PXT1: variants seen among roughly 807,000 people sequenced by gnomAD.
PXT1 encodes peroxisomal testis enriched protein 1, also known as peroxisomal testis-specific protein 1.
In PXT1, 11 loss-of-function variants were observed where a neutral mutation model predicts 11.0. The observed-to-expected ratio is 1.00, with a 90% confidence interval of 0.63 to 1.66. PXT1 has a LOEUF of 1.66. PXT1 is among the 40% of genes most tolerant of loss of function. PXT1 has a pLI of 0.00. For synonymous variants in PXT1, 43 were observed against 51.4 expected, an observed-to-expected ratio of 0.84 and a Z score of 0.70; for missense variants, 141 against 155.5, an observed-to-expected ratio of 0.91 and a Z score of 0.49.
chr6:36,436,485 G>A (rs1774765829), intron 2 of PXT1, among the ~76,000 whole-genome samples: 1 of 152,212 alleles, frequency 6.6e-6, no homozygotes, highest in Non-Finnish European at 1.5e-5. Context: ...CCAGGGTTTT[G>A]ATGATTCCTT....
At chr6:36,438,435 G>C (rs1368423595) in intron 2 of PXT1, among the ~76,000 whole-genome samples, 1 of 151,850 alleles carries the variant, frequency 6.6e-6, no homozygotes, top group Non-Finnish European at 1.5e-5. Flanking sequence ...TTTGTTTTTT[G>C]TTTTTTGAGA....
At chr6:36,421,702 T>G (rs188915064) in intron 3 of PXT1, among the ~76,000 whole-genome samples, 1 of 152,324 alleles carries the variant, frequency 6.6e-6, no homozygotes, top group Admixed American at 6.5e-5. Flanking sequence ...ACTCCTGGGC[T>G]CAAGCAATCC....
chr6:36,414,138 A>G (rs1309757198), intron 3 of PXT1, among the ~76,000 whole-genome samples: 1 of 148,922 alleles, frequency 6.7e-6, no homozygotes, highest in African/African-American at 2.5e-5. Flanking sequence ...AAACACAATA[A>G]ATAGAGTAAG....
intron 4 of PXT1, 45 bp from the exon 5 acceptor site, chr6:36,391,919 TTAAA>T: frequency 1.1e-6 from 1 of 943,524 alleles, no homozygotes; most frequent in South Asian, 1.6e-5. Context: ...TTTTTTTTTT[TTAAA>T]AGTGATAGAA....
At chr6:36,417,857 G>A (rs1186464285) in intron 3 of PXT1, among the ~76,000 whole-genome samples, 5 of 152,036 alleles carry the variant, frequency 3.3e-5, no homozygotes, top group Non-Finnish European at 7.4e-5. Context: ...ACACTGGTTT[G>A]GTTCTGAATT....
At chr6:36,424,952 A>G (rs1561932120) in intron 3 of PXT1, among the ~76,000 whole-genome samples, 2 of 152,200 alleles carry the variant, frequency 1.3e-5, no homozygotes, top group Non-Finnish European at 2.9e-5. Context: ...GCAAGCAACT[A>G]TCAGGATGCT....
Position 36,425,972 on chromosome 6 carries a change from C to T in PXT1, c.111G>A (p.Lys37=). 6.5e-7 allele frequency: 1 copy of T among 1,535,442 alleles called. No homozygotes were observed. Among genetic ancestry groups the T allele is most frequent in the Non-Finnish European group, 8.7e-7 (1 of 1,146,276 alleles). Residue 37 remains lysine, a synonymous_variant, in exon 3 of 5, where the codon AAG becomes AAA. Transcript: ENST00000454782. ...KSLWLKYSFQ[K]AYMTQLVSSQ... is the part of the protein sequence containing the mutation. ...AGCTGACAAGTTGGGTCATGTATGCCTTCTGAAAACTGTATTTTAACCACA... is the reference window on the plus strand; with the variant it reads ...AGCTGACAAGTTGGGTCATGTATGCTTTCTGAAAACTGTATTTTAACCACA...
In PXT1 at chr6:36,398,470, A is replaced by G. The variant is rs548030206; in HGVS notation, c.300+1984T>C. 8.5e-5 allele frequency among the ~76,000 whole-genome samples: 13 copies of G among 152,342 alleles called. No individual in the cohort carries two copies. In the South Asian group the frequency reaches 2.7e-3, roughly 32 times the overall value. On this transcript the variant is annotated intron_variant, in intron 4 of 4. Transcript: ENST00000454782. ...ACATGATAGCCACAAAGTGGAAACA[A>G]CCCAAATGTCCAACCACTGGTGAAT... is the stretch of plus-strand genomic sequence containing the variant.
At chr6:36,408,591 A>C (rs181906965) in intron 3 of PXT1, among the ~76,000 whole-genome samples, 1 of 150,338 alleles carries the variant, frequency 6.7e-6, no homozygotes, top group Non-Finnish European at 1.5e-5. Context: ...AGAAAAAAAA[A>C]TTTTTTGTAG....
intron 2 of PXT1, among the ~76,000 whole-genome samples, chr6:36,432,907 A>G (rs1774712261): frequency 6.6e-6 from 1 of 151,932 alleles, no homozygotes; most frequent in South Asian, 2.1e-4. Context: ...GAACTTCATA[A>G]CCAGGTTCTA....
At chr6:36,437,357 A>AT (rs1371488608) in intron 2 of PXT1, among the ~76,000 whole-genome samples, 2 of 152,102 alleles carry the variant, frequency 1.3e-5, no homozygotes, top group Non-Finnish European at 2.9e-5. Flanking sequence ...ACCTCCTCCA[A>AT]TGCCTGTAAA....
chr6:36,417,923 C>T (rs1413434746), intron 3 of PXT1, among the ~76,000 whole-genome samples: 3 of 151,948 alleles, frequency 2.0e-5, no homozygotes, highest in South Asian at 2.1e-4. Flanking sequence ...GTGGGCAGGG[C>T]GCGGTGGTCA....
At chr6:36,432,193 T>A (rs930079037) in intron 2 of PXT1, among the ~76,000 whole-genome samples, 9 of 152,130 alleles carry the variant, frequency 5.9e-5, no homozygotes, top group African/African-American at 2.2e-4. Flanking sequence ...GATGTTTAAG[T>A]TAGGACCTAA....
At chr6:36,434,659 G>A (rs992094277) in intron 2 of PXT1, among the ~76,000 whole-genome samples, 2 of 152,222 alleles carry the variant, frequency 1.3e-5, no homozygotes, top group African/African-American at 2.4e-5. Flanking sequence ...AGAGAAGTTC[G>A]TTTATAAGAG....
intron 2 of PXT1, among the ~76,000 whole-genome samples, chr6:36,429,669 C>A (rs1251077052): frequency 6.6e-6 from 1 of 150,896 alleles, no homozygotes; most frequent in Non-Finnish European, 1.5e-5. Flanking sequence ...CCATGCCTGG[C>A]TAATTTTTTA....
At chr6:36,424,083 T>C (rs934455932) in intron 3 of PXT1, among the ~76,000 whole-genome samples, 2 of 152,188 alleles carry the variant, frequency 1.3e-5, no homozygotes, top group African/African-American at 4.8e-5. Context: ...AGCGATCAGC[T>C]TCACAAGGAA....
rs1441894017 is a variant in PXT1, at chr6:36,400,520, T to A, written c.234A>T (p.Ile78=). 6.2e-7 allele frequency: 1 copy of A among 1,613,998 alleles called. No homozygotes were observed. The highest frequency in any genetic ancestry group is 8.5e-7 in the Non-Finnish European group (1 of 1,179,906). ...TCAGCTGCATGGCCAACTTGTGAATTATTTCCTCCTGGTGATGCTTCTGAA... is the reference window on the plus strand; with the variant it reads ...TCAGCTGCATGGCCAACTTGTGAATAATTTCCTCCTGGTGATGCTTCTGAA... ...SIVQKHHQEE[I]IHKLAMQLRH... Residue 78 remains isoleucine (I), a synonymous_variant, in exon 4 of 5, where the codon ATA becomes ATT. Coordinates refer to ENST00000454782, the MANE Select transcript of PXT1 (RefSeq NM_152990.4).
chr6:36,407,436 C>G (rs1456660054), intron 3 of PXT1, among the ~76,000 whole-genome samples: 2 of 151,950 alleles, frequency 1.3e-5, no homozygotes, highest in African/African-American at 4.8e-5. Flanking sequence ...ATTTTAATAT[C>G]TAGGAGAAAA....
At chr6:36,422,768 G>A (rs1395527431) in intron 3 of PXT1, among the ~76,000 whole-genome samples, 1 of 152,114 alleles carries the variant, frequency 6.6e-6, no homozygotes, top group African/African-American at 2.4e-5. Flanking sequence ...AAGCTAAACT[G>A]TACTCTCTAT....
Sources: allele counts gnomAD v4.1 joint callset (sites outside exome capture counted in the v4.1 genomes callset), GRCh38; gene constraint gnomAD v4.1.1; transcripts MANE v1.5; gene names NCBI Gene and HGNC (gene_info 2026-07-23, HGNC 2026-07-21).